CTNND2: variants seen among roughly 807,000 people sequenced by gnomAD.
CTNND2 encodes the protein catenin delta-2.
A neutral mutation model predicts 144.4 loss-of-function variants in CTNND2; 22 were observed. The observed-to-expected ratio is 0.15, with a 90% confidence interval of 0.11 to 0.22. The LOEUF (loss-of-function observed/expected upper bound fraction) is 0.22, where lower values mean the gene tolerates loss of function less well. Among genes scored for constraint, CTNND2 ranks in the 10% least tolerant of loss-of-function variants. The pLI is 1.00. For missense variants in CTNND2, 1,353 were observed against 1,618.8 expected (o/e 0.84, Z 2.82); for synonymous variants, 751 against 695.6 (o/e 1.08, Z -1.25).
chr5:11,530,215 T>G (rs574352949), intron 3 of CTNND2, among the ~76,000 whole-genome samples: 1 of 152,008 alleles, frequency 6.6e-6, no homozygotes, highest in East Asian at 1.9e-4. Flanking sequence ...TCATAATATC[T>G]CGATACATAA....
chr5:11,205,029 C>A (rs1737896128), intron 10 of CTNND2, among the ~76,000 whole-genome samples: 2 of 152,094 alleles, frequency 1.3e-5, no homozygotes, highest in African/African-American at 4.8e-5. Flanking sequence ...AGGTAAGGAC[C>A]TGGGTGTGTG....
Position 11,472,986 on chromosome 5 carries a change from G to T in CTNND2, c.288-60917C>A, listed in dbSNP as rs77253130. 4.5e-3 allele frequency among the ~76,000 whole-genome samples: 680 copies of T among 152,090 alleles called. 4 individuals carry two copies. Among genetic ancestry groups the T allele is most frequent in the African/African-American group, 0.015 (637 of 41,500 alleles). ...TTCAGGAGTCTGAGGCAAGAGAATC[G>T]CTTGAACCTGGAGTAGGAGGTTGCA... On this transcript the variant is annotated intron_variant, in intron 3 of 21. Transcript: ENST00000304623.
chr5:10,979,938 G>A (rs1171974820), intron 21 of CTNND2, among the ~76,000 whole-genome samples: 1 of 152,086 alleles, frequency 6.6e-6, no homozygotes, highest in Non-Finnish European at 1.5e-5. Flanking sequence ...TACGACCCAG[G>A]ACCATAGGAA....
At chr5:11,054,204 T>C (rs1370299115) in intron 16 of CTNND2, among the ~76,000 whole-genome samples, 1 of 152,188 alleles carries the variant, frequency 6.6e-6, no homozygotes, top group Non-Finnish European at 1.5e-5. Context: ...AGGACAATGA[T>C]GGCAGTGAAT....
chr5:11,771,921 G>A (rs902709911), intron 1 of CTNND2, among the ~76,000 whole-genome samples: 1 of 152,116 alleles, frequency 6.6e-6, no homozygotes, highest in African/African-American at 2.4e-5. Flanking sequence ...TTGGATTTAT[G>A]AGCTCAGCAG....
chr5:11,720,180 C>T (rs1197728940), intron 2 of CTNND2, among the ~76,000 whole-genome samples: 1 of 152,074 alleles, frequency 6.6e-6, no homozygotes, highest in Admixed American at 6.6e-5. Flanking sequence ...CTAAATTTGT[C>T]ATTTGCTGGC....
At chr5:11,018,673 C>T (rs957981222) in intron 17 of CTNND2, among the ~76,000 whole-genome samples, 14 of 150,052 alleles carry the variant, frequency 9.3e-5, no homozygotes, top group African/African-American at 2.9e-4. Context: ...ACATTCCCTT[C>T]AGCTAAAACC....
chr5:11,593,573 T>C (rs529437460), intron 2 of CTNND2, among the ~76,000 whole-genome samples: 1 of 152,326 alleles, frequency 6.6e-6, no homozygotes, highest in East Asian at 1.9e-4. Context: ...GGGCAGGTTT[T>C]TCCCGTGCTG....
intron 3 of CTNND2, among the ~76,000 whole-genome samples, chr5:11,425,614 TC>T (rs1470555877): frequency 6.6e-6 from 1 of 152,186 alleles, no homozygotes; most frequent in African/African-American, 2.4e-5. Context: ...GAATTGAAAT[TC>T]CTACTAACGT....
At chr5:11,589,313 GACAACA>G (rs147045294) in intron 2 of CTNND2, among the ~76,000 whole-genome samples, 5 of 87,062 alleles carry the variant, frequency 5.7e-5, no homozygotes, top group African/African-American at 1.8e-4. Context: ...ACACACACAC[GACAACA>G]ACAACAACAA....
At chr5:11,474,172 A>G (rs1767498093) in intron 3 of CTNND2, among the ~76,000 whole-genome samples, 1 of 152,244 alleles carries the variant, frequency 6.6e-6, no homozygotes, top group Admixed American at 6.5e-5. Flanking sequence ...TGAGATTAGC[A>G]AAAAGAATAC....
intron 1 of CTNND2, among the ~76,000 whole-genome samples, chr5:11,744,528 A>C (rs1788194166): frequency 6.6e-6 from 1 of 152,102 alleles, no homozygotes; most frequent in Admixed American, 6.5e-5. Flanking sequence ...GATCAGAATA[A>C]ATGTATATAG....
At chr5:11,560,475 T>C (rs1776597029) in intron 3 of CTNND2, among the ~76,000 whole-genome samples, 1 of 152,204 alleles carries the variant, frequency 6.6e-6, no homozygotes, top group Admixed American at 6.5e-5. Context: ...TCAAGGAATA[T>C]GTATAGGTAC....
intron 3 of CTNND2, among the ~76,000 whole-genome samples, chr5:11,460,749 CTGCACGTTAAAT>C (rs1299620529): frequency 2.0e-5 from 3 of 152,138 alleles, no homozygotes; most frequent in Non-Finnish European, 4.4e-5. Context: ...TAGCTGACTA[CTGCACGTTAAAT>C]TGCACTCTGG....
intron 2 of CTNND2, among the ~76,000 whole-genome samples, chr5:11,697,589 C>A (rs575697347): frequency 2.6e-5 from 4 of 152,306 alleles, no homozygotes; most frequent in Non-Finnish European, 5.9e-5. Context: ...TATTCAAGAA[C>A]CCCGCCTTAT....
intron 2 of CTNND2, among the ~76,000 whole-genome samples, chr5:11,707,351 C>G (rs1785767749): frequency 2.0e-5 from 3 of 152,196 alleles, no homozygotes; most frequent in South Asian, 4.1e-4. Flanking sequence ...CTCATGCACA[C>G]AGACCTAATG....
At chr5:11,813,530 CT>C (rs1792460556) in intron 1 of CTNND2, among the ~76,000 whole-genome samples, 1 of 152,144 alleles carries the variant, frequency 6.6e-6, no homozygotes, top group South Asian at 2.1e-4. Flanking sequence ...CTAATTTGGT[CT>C]TGTACAAGCT....
At chr5:11,751,053 T>C (rs1303506696) in intron 1 of CTNND2, among the ~76,000 whole-genome samples, 1 of 151,816 alleles carries the variant, frequency 6.6e-6, no homozygotes, top group African/African-American at 2.4e-5. Flanking sequence ...ATCAGGAAAT[T>C]AAAGAAACAC....
chr5:11,081,090 A>ACACT (rs2149632139), intron 16 of CTNND2, among the ~76,000 whole-genome samples: 1 of 151,544 alleles, frequency 6.6e-6, no homozygotes, highest in African/African-American at 2.4e-5. Flanking sequence ...ACACACACAC[A>ACACT]CACACACACA....
Sources: gnomAD v4.1 joint callset for allele counts (sites outside exome capture counted in the v4.1 genomes callset) on GRCh38, gnomAD v4.1.1 for gene constraint, MANE v1.5 for transcripts, NCBI Gene and HGNC (gene_info 2026-07-23, HGNC 2026-07-21) for gene names.